The following UMAD1 variants were observed in gnomAD, a reference collection of about 807,000 sequenced individuals.
UMAD1 encodes the protein UBAP1-MVB12-associated (UMA)-domain containing protein 1.
UMAD1 carries 8 observed loss-of-function variants against 6.1 expected under a neutral mutation model. The observed-to-expected ratio is 1.30, with a 90% CI of 0.76 to 2.35. UMAD1 has a LOEUF of 2.35. UMAD1 is among the 30% of genes most tolerant of loss of function. The probability of loss-of-function intolerance (pLI) is 0.00; values close to 1 mark genes in which losing one functional copy is unlikely to be tolerated. For missense variants in UMAD1, 130 were observed against 78.4 expected, an observed-to-expected ratio of 1.66 and a Z score of -2.49; for synonymous variants, 56 against 31.4, an observed-to-expected ratio of 1.78 and a Z score of -2.61.
chr7:7,677,672 T>G (rs13247645), intron 2 of UMAD1, among the ~76,000 whole-genome samples: 4,784 of 100,578 alleles, frequency 0.048, 125 homozygotes, highest in South Asian at 0.13. Flanking sequence ...TTGTTTTTTT[T>G]TTTTTTTTTT....
chr7:7,840,060 T>C (rs1345565916), intron 3 of UMAD1, among the ~76,000 whole-genome samples: 3 of 152,044 alleles, frequency 2.0e-5, no homozygotes, highest in Non-Finnish European at 4.4e-5. Context: ...GAAGAAAGAA[T>C]AGACATGATG....
In UMAD1 at chr7:7,830,002, G is replaced by A. The variant is rs1015787257; in HGVS notation, c.156+28259G>A. 2.6e-5 allele frequency among the ~76,000 whole-genome samples: 4 copies of A among 152,116 alleles called. No homozygotes were observed. The highest frequency in any genetic ancestry group is 9.7e-5 in the African/African-American group (4 of 41,420). On this transcript the variant is annotated intron_variant, in intron 3 of 3. Coordinates refer to ENST00000682710, the MANE Select transcript of UMAD1 (RefSeq NM_001302348.2). The surrounding 1 kb of genome is among the most constrained non-coding windows in gnomAD (Gnocchi z 5.3). ...CATTGGATTTACTACAGAGTCTTCCGACAAACCTTCTTCCTTCTGACTTTT... is the reference window on the plus strand; with the variant it reads ...CATTGGATTTACTACAGAGTCTTCCAACAAACCTTCTTCCTTCTGACTTTT...
intron 3 of UMAD1, among the ~76,000 whole-genome samples, chr7:7,854,549 A>C (rs1783979308): frequency 6.6e-6 from 1 of 152,004 alleles, no homozygotes; most frequent in African/African-American, 2.4e-5. Context: ...ACTCACTATC[A>C]CGTTAACAAC....
At chr7:7,641,001 G>T (rs10251718) in intron 1 of UMAD1, 180 bp downstream of exon 1, 15,995 of 153,394 alleles carry the variant, frequency 0.1, 2,046 homozygotes, top group African/African-American at 0.31. Context: ...GGAGGCGCGG[G>T]AGTTTTGCGG....
chr7:7,823,341 A>G lies in UMAD1; in HGVS notation c.156+21598A>G, dbSNP rs562280245. On this transcript the variant is annotated intron_variant, in intron 3 of 3. Transcript: ENST00000682710. ...GCCCAGTTAAATTTGTGTTTCAGATAAACAATAAATAATTTTTTAGTATGT... is the reference window on the plus strand; with the variant it reads ...GCCCAGTTAAATTTGTGTTTCAGATGAACAATAAATAATTTTTTAGTATGT... Among the ~76,000 whole-genome samples the G allele has an allele frequency of 1.2e-4, 19 of 152,310 alleles. No homozygotes were observed. The South Asian group carries it at 3.1e-3, about 25-fold the overall frequency.
chr7:7,717,060 CTTT>C (rs766644906), intron 2 of UMAD1, among the ~76,000 whole-genome samples: 5 of 141,606 alleles, frequency 3.5e-5, no homozygotes, highest in Admixed American at 1.4e-4. Context: ...TTCTTTTTTT[CTTT>C]TTTTTTTTTT....
At chr7:7,649,083 AG>A (rs1308167512) in intron 1 of UMAD1, among the ~76,000 whole-genome samples, 8 of 147,794 alleles carry the variant, frequency 5.4e-5, no homozygotes, top group African/African-American at 2.0e-4. Flanking sequence ...GCTTGAACCC[AG>A]GAAGTGGAGA....
chr7:7,862,236 A>G (rs1583880327), intron 3 of UMAD1, among the ~76,000 whole-genome samples: 1 of 152,102 alleles, frequency 6.6e-6, no homozygotes, highest in East Asian at 1.9e-4. Context: ...TAATATATTT[A>G]TATTTTCTTA....
At chr7:7,778,267 T>TGA (rs1475878780) in intron 2 of UMAD1, among the ~76,000 whole-genome samples, 46 of 107,846 alleles carry the variant, frequency 4.3e-4, no homozygotes, top group South Asian at 2.7e-3. Context: ...TGTGTGTGTG[T>TGA]GTGTGTGTGA....
chr7:7,677,353 C>G (rs1779767543), intron 2 of UMAD1, among the ~76,000 whole-genome samples: 1 of 152,066 alleles, frequency 6.6e-6, no homozygotes, highest in African/African-American at 2.4e-5. Flanking sequence ...TTCCTTCTAT[C>G]TAACTGTATT....
chr7:7,741,603 A>AATAATC (rs1333871594), intron 2 of UMAD1, among the ~76,000 whole-genome samples: 5 of 148,178 alleles, frequency 3.4e-5, no homozygotes, highest in African/African-American at 7.3e-5. Flanking sequence ...TAATAATAAT[A>AATAATC]ATAATAATAA....
chr7:7,841,534 G>C (rs1490353233), intron 3 of UMAD1, among the ~76,000 whole-genome samples: 3 of 151,958 alleles, frequency 2.0e-5, no homozygotes, highest in Non-Finnish European at 2.9e-5. Flanking sequence ...CAACTCCTGG[G>C]CTCAAGTGAT....
intron 1 of UMAD1, among the ~76,000 whole-genome samples, chr7:7,654,975 A>G (rs1785307594): frequency 6.6e-6 from 1 of 151,572 alleles, no homozygotes; most frequent in Non-Finnish European, 1.5e-5. Flanking sequence ...TTTTTGCTTC[A>G]TAGTAGGATT....
chr7:7,722,784 G>C (rs1781074227), intron 2 of UMAD1, among the ~76,000 whole-genome samples: 1 of 152,184 alleles, frequency 6.6e-6, no homozygotes, highest in Non-Finnish European at 1.5e-5. Context: ...GCCTCACCAG[G>C]TGTCTACTGT....
Position 7,646,510 on chromosome 7 carries a change from C to A in UMAD1, c.-64+5689C>A, listed in dbSNP as rs1437182984. ...TTTTTTTTTTTTTTTTTTTTTAATT[C>A]TCTCGTCTGACACCATGTAAGACGT... On this transcript the variant is annotated intron_variant, in intron 1 of 3. Coordinates refer to ENST00000682710, the MANE Select transcript of UMAD1 (RefSeq NM_001302348.2). Among the ~76,000 whole-genome samples, 3 of 109,032 alleles carry A rather than the reference C, an allele frequency of 2.8e-5. No homozygotes were observed. In the Admixed American group the frequency reaches 3.1e-4, roughly 11 times the overall value. The allele number at this position is 109,032 out of a possible 152,430, so 71.5% of individuals were successfully genotyped here.
intron 2 of UMAD1, among the ~76,000 whole-genome samples, chr7:7,764,222 G>A (rs1195100188): frequency 1.3e-5 from 2 of 152,050 alleles, no homozygotes; most frequent in African/African-American, 4.8e-5. Flanking sequence ...CAATAAAGCA[G>A]GGAAGCAGAA....
chr7:7,661,820 C>T (rs1313634808), intron 1 of UMAD1, among the ~76,000 whole-genome samples: 1 of 152,148 alleles, frequency 6.6e-6, no homozygotes, highest in Admixed American at 6.5e-5. Context: ...TGACCCTTAG[C>T]AGAGTTTGAA....
chr7:7,780,973 T>A (rs754228287), intron 2 of UMAD1, among the ~76,000 whole-genome samples: 24 of 152,212 alleles, frequency 1.6e-4, no homozygotes, highest in Non-Finnish European at 1.2e-4. Context: ...ATAATAAACA[T>A]CTTTCTGTAA....
intron 3 of UMAD1, among the ~76,000 whole-genome samples, chr7:7,853,600 A>G (rs528051919): frequency 1.5e-4 from 23 of 152,248 alleles, no homozygotes; most frequent in African/African-American, 5.3e-4. Context: ...TTAATTTCAT[A>G]TTTGGATTGT....
Sources: allele counts gnomAD v4.1 joint callset (sites outside exome capture counted in the v4.1 genomes callset), GRCh38; gene constraint gnomAD v4.1.1; non-coding constraint Gnocchi (gnomAD v3.1); transcripts MANE v1.5; gene names NCBI Gene and HGNC (gene_info 2026-07-23, HGNC 2026-07-21).